The following SLC44A5 variants were observed in gnomAD, a reference collection of about 807,000 sequenced individuals.
SLC44A5 encodes solute carrier family 44 member 5.
A neutral mutation model predicts 101.8 loss-of-function variants in SLC44A5; 57 were observed. That is an observed-to-expected ratio of 0.56 (90% confidence interval 0.45 to 0.70). The LOEUF (loss-of-function observed/expected upper bound fraction) is 0.70. Ranked by LOEUF, SLC44A5 falls within the 30% of genes least tolerant of loss-of-function variation. The pLI is 0.00. For synonymous variants in SLC44A5, 281 were observed against 290.9 expected (o/e 0.97, Z 0.35); for missense variants, 737 against 853.1 (o/e 0.86, Z 1.70).
chr1:75,457,341 G>T (rs1666243975), intron 2 of SLC44A5, among the ~76,000 whole-genome samples: 1 of 152,104 alleles, frequency 6.6e-6, no homozygotes, highest in Admixed American at 6.6e-5. Flanking sequence ...CACAGAAGAT[G>T]CTTTAAAAAA....
the SLC44A5 span, among the ~76,000 whole-genome samples, chr1:75,696,493 C>T: frequency 6.6e-6 from 1 of 152,126 alleles, no homozygotes; most frequent in Non-Finnish European, 1.5e-5. Flanking sequence ...GATTCAGTAA[C>T]TAAAATTGAG....
chr1:75,513,712 C>A (rs761430488), intron 2 of SLC44A5, among the ~76,000 whole-genome samples: 10 of 152,180 alleles, frequency 6.6e-5, no homozygotes, highest in Admixed American at 1.3e-4. Context: ...GAGTTCCAAT[C>A]CAACATACAA....
At chr1:75,628,651 C>T in the SLC44A5 span, among the ~76,000 whole-genome samples, 1 of 152,074 alleles carries the variant, frequency 6.6e-6, no homozygotes. Context: ...AAGTAAATAG[C>T]ATTCAAACAA....
intron 6 of SLC44A5, among the ~76,000 whole-genome samples, chr1:75,254,392 T>A (rs1649842284): frequency 6.6e-6 from 1 of 152,124 alleles, no homozygotes; most frequent in Non-Finnish European, 1.5e-5. Flanking sequence ...AGCTGAGCAA[T>A]TCTGTAGAAG....
chr1:75,205,917 T>C (rs754927353), intron 23 of SLC44A5: 1 of 152,174 alleles, frequency 6.6e-6, no homozygotes, highest in African/African-American at 2.4e-5. Context: ...GAGGTTCATG[T>C]TGTTGGAAAT....
intron 2 of SLC44A5, among the ~76,000 whole-genome samples, chr1:75,529,189 C>T (rs1670588153): frequency 6.6e-6 from 1 of 152,114 alleles, no homozygotes; most frequent in Non-Finnish European, 1.5e-5. Context: ...TATTTAGTAA[C>T]CCAAGGTCTA....
chr1:75,684,490 T>C, the SLC44A5 span, among the ~76,000 whole-genome samples: 1 of 152,232 alleles, frequency 6.6e-6, no homozygotes, highest in African/African-American at 2.4e-5. Flanking sequence ...ATTTCCTAGA[T>C]ACAATGGGGA....
intron 4 of SLC44A5, among the ~76,000 whole-genome samples, chr1:75,321,456 G>GAC (rs916667774): frequency 2.1e-5 from 3 of 144,936 alleles, no homozygotes; most frequent in African/African-American, 5.7e-5. Flanking sequence ...ATGGCAGAGA[G>GAC]AGAGAGAGAG....
chr1:75,326,124 G>A (rs1656579447), intron 4 of SLC44A5, among the ~76,000 whole-genome samples: 3 of 137,226 alleles, frequency 2.2e-5, no homozygotes, highest in South Asian at 4.5e-4. Context: ...GTGTGTGTGT[G>A]TATAATATTT....
intron 4 of SLC44A5, among the ~76,000 whole-genome samples, chr1:75,335,839 T>C (rs1657401783): frequency 6.6e-6 from 1 of 152,212 alleles, no homozygotes; most frequent in Non-Finnish European, 1.5e-5. Flanking sequence ...TTCTTTGCTC[T>C]GTGGCCCTGC....
chr1:75,289,666 T>G (rs936217399), intron 5 of SLC44A5, among the ~76,000 whole-genome samples: 3 of 152,190 alleles, frequency 2.0e-5, no homozygotes, highest in Admixed American at 1.3e-4. Context: ...CATGGAAATT[T>G]AATCATGGAA....
chr1:75,297,236 A>G (rs1348325511), intron 5 of SLC44A5, among the ~76,000 whole-genome samples: 1 of 152,228 alleles, frequency 6.6e-6, no homozygotes, highest in Non-Finnish European at 1.5e-5. Context: ...AATGAACTAA[A>G]TCACCCAAAG....
At chr1:75,640,024 G>A in the SLC44A5 span, among the ~76,000 whole-genome samples, 1 of 151,988 alleles carries the variant, frequency 6.6e-6, no homozygotes, top group Non-Finnish European at 1.5e-5. Context: ...GTACTGAAAG[G>A]GGGAAAAGGC....
At chr1:75,598,152 G>T (rs991578956) in intron 1 of SLC44A5, among the ~76,000 whole-genome samples, 38 of 151,828 alleles carry the variant, frequency 2.5e-4, no homozygotes, top group African/African-American at 8.9e-4. Flanking sequence ...TTCAAAAGAA[G>T]ACATACATGC....
Position 75,211,581 on chromosome 1 carries a change from A to G in SLC44A5, c.1963-29T>C, listed in dbSNP as rs751400894. On this transcript the variant is annotated intron_variant, in intron 22 of 23. Transcript: ENST00000370859. ...TAAATGGATGAAGAAGAGAACCAAC[A>G]TGTCATTTACTTTGACCAGAAGAAG... 5.4e-6 allele frequency: 8 copies of G among 1,477,240 alleles called. 1 individual carries two copies. In the Admixed American group the frequency reaches 1.2e-4, roughly 22 times the overall value. 91.5% of individuals were successfully genotyped at this position (1,477,240 alleles called of 1,614,324 possible).
intron 4 of SLC44A5, among the ~76,000 whole-genome samples, chr1:75,309,381 T>C (rs1655133969): frequency 6.6e-6 from 1 of 152,182 alleles, no homozygotes; most frequent in Non-Finnish European, 1.5e-5. Context: ...GAGCTATGAA[T>C]GTGCCACTGC....
chr1:75,534,828 A>G (rs966614301), intron 2 of SLC44A5, among the ~76,000 whole-genome samples: 2 of 152,208 alleles, frequency 1.3e-5, no homozygotes, highest in African/African-American at 4.8e-5. Flanking sequence ...AATTGGAAAA[A>G]TAAGAAAAAG....
intron 2 of SLC44A5, among the ~76,000 whole-genome samples, chr1:75,488,764 T>C (rs1299041853): frequency 3.3e-5 from 5 of 152,234 alleles, no homozygotes; most frequent in Non-Finnish European, 7.3e-5. Context: ...TCTGTAGTTA[T>C]AGCAATAATT....
At chr1:75,238,475 A>C in intron 10 of SLC44A5, 38 bp downstream of exon 10, 1 of 1,531,258 alleles carries the variant, frequency 6.5e-7, no homozygotes, top group Non-Finnish European at 8.8e-7. Flanking sequence ...CAATAACAAA[A>C]TGCATCAAAC....
Sources: gnomAD v4.1 joint callset for allele counts (sites outside exome capture counted in the v4.1 genomes callset) on GRCh38, gnomAD v4.1.1 for gene constraint, MANE v1.5 for transcripts, NCBI Gene and HGNC (gene_info 2026-07-23, HGNC 2026-07-21) for gene names.